NIBAN3: variants seen among roughly 807,000 people sequenced by gnomAD.
NIBAN3 encodes the protein niban apoptosis regulator 3.
In NIBAN3, 66 loss-of-function variants were observed where a neutral mutation model predicts 76.4. That is an observed-to-expected ratio of 0.86 (90% CI 0.71 to 1.06). NIBAN3 has a LOEUF of 1.06. Among genes scored for constraint, NIBAN3 ranks in the 50% least tolerant of loss-of-function variants. NIBAN3 has a pLI of 0.00. For missense variants in NIBAN3, 808 were observed against 810.7 expected (o/e 1.00, Z 0.04); for synonymous variants, 360 against 355.2 (o/e 1.01, Z -0.15).
intron 14 of NIBAN3, among the ~76,000 whole-genome samples, chr19:17,551,045 C>T (rs2144791038): frequency 6.6e-6 from 1 of 151,788 alleles, no homozygotes. Flanking sequence ...CTCTCCTATC[C>T]TTCACCCTTT....
chr19:17,540,425 G>A lies in NIBAN3; in HGVS notation c.1013G>A (p.Arg338His). 1 of 1,528,560 alleles carries A rather than the reference G, an allele frequency of 6.5e-7. No individual in the cohort carries two copies. Among genetic ancestry groups the A allele is most frequent in the Non-Finnish European group, 8.8e-7 (1 of 1,135,802 alleles). The allele number at this position is 1,528,560 out of a possible 1,614,324, so 94.7% of individuals were successfully genotyped here. ...AGGGGACCGCTCGAGTCGTGCCTGC[G>A]CCGGGAGGTGGACCCGCAGCTGCCC... is the stretch of plus-strand genomic sequence containing the variant. ...DIRGPLESCL[R>H]REVDPQLPRV... The change falls in exon 9 of 15, where the codon CGC (arginine) becomes CAC (histidine). Residue 338 changes from arginine (R) to histidine (H), a missense_variant. Coordinates refer to ENST00000599164, the MANE Select transcript of NIBAN3 (RefSeq NM_001321827.2).
At chr19:17,550,528 G>A (rs899062566) in intron 14 of NIBAN3, among the ~76,000 whole-genome samples, 3 of 152,046 alleles carry the variant, frequency 2.0e-5, no homozygotes, top group Non-Finnish European at 4.4e-5. Context: ...TTAGTTGGGT[G>A]TGGTGGAATG....
At chr19:17,548,435 C>A (rs1226076622) in intron 13 of NIBAN3, among the ~76,000 whole-genome samples, 1 of 152,012 alleles carries the variant, frequency 6.6e-6, no homozygotes. Context: ...AAAGGACAGG[C>A]CCGAGCAGGG....
At chr19:17,524,079 T>C (rs969865302), upstream of NIBAN3, among the ~76,000 whole-genome samples, 5 of 152,018 alleles carry the variant, frequency 3.3e-5, no homozygotes, top group Admixed American at 6.6e-5. Flanking sequence ...AGTAGAAACA[T>C]TGAGTTTCAC....
chr19:17,528,593 G>C (rs760633645), intron 1 of NIBAN3, among the ~76,000 whole-genome samples: 8 of 152,084 alleles, frequency 5.3e-5, no homozygotes, highest in Non-Finnish European at 1.2e-4. Flanking sequence ...GACTAAGAGG[G>C]GCCAGTGCCA....
intron 13 of NIBAN3, 62 bp from the exon 14 acceptor site, chr19:17,549,382 G>T: frequency 8.7e-7 from 1 of 1,147,930 alleles, no homozygotes; most frequent in East Asian, 2.4e-5. Flanking sequence ...CTGGGAAAAT[G>T]CAGGGAAGCC....
upstream of NIBAN3, among the ~76,000 whole-genome samples, chr19:17,523,743 C>T (rs1488817847): frequency 6.6e-6 from 1 of 152,194 alleles, no homozygotes; most frequent in Non-Finnish European, 1.5e-5. Flanking sequence ...CCAGCAACAT[C>T]AGCCCCTCAC....
chr19:17,523,315 G>C (rs2075574885), upstream of NIBAN3: 1 of 856,924 alleles, frequency 1.2e-6, no homozygotes, highest in African/African-American at 1.7e-5. Flanking sequence ...AGCAGGAGAT[G>C]GGAATTGAAA....
At chr19:17,528,893 T>C (rs148577819) in intron 1 of NIBAN3, among the ~76,000 whole-genome samples, 3 of 151,898 alleles carry the variant, frequency 2.0e-5, no homozygotes, top group Non-Finnish European at 4.4e-5. Flanking sequence ...GTGAGAATGA[T>C]GGGAGAGAGC....
In NIBAN3 at chr19:17,553,488, A is replaced by C. The variant is rs199532721; in HGVS notation, c.*1590A>C. 3.9e-4 allele frequency: 624 copies of C among 1,614,204 alleles called. 3 individuals carry two copies. Among genetic ancestry groups the C allele is most frequent in the Non-Finnish European group, 2.9e-4 (337 of 1,180,042 alleles). On this transcript the variant is annotated 3_prime_UTR_variant, in exon 15 of 15. Coordinates refer to ENST00000599164, the MANE Select transcript of NIBAN3 (RefSeq NM_001321827.2). ...CCCGTGTGTTCTTGGTTCAGCTTGC[A>C]GAGGGACTTTCACACTCCCTGGAGA... is the stretch of plus-strand genomic sequence containing the variant.
Position 17,532,395 on chromosome 19 carries a change from G to A in NIBAN3, c.312+7G>A. On this transcript the variant is annotated splice_region_variant and intron_variant, in intron 3 of 14. Transcript: ENST00000599164. ...GTGGTTCAGCCACAAGGAGGTGCGT[G>A]ATTGGCACGTGGCCTTTCTACTTCT... 6.2e-7 allele frequency: 1 copy of A among 1,614,214 alleles called. No homozygotes were observed. The highest frequency in any genetic ancestry group is 8.5e-7 in the Non-Finnish European group (1 of 1,180,042).
intron 14 of NIBAN3, among the ~76,000 whole-genome samples, chr19:17,550,964 G>A (rs2076145651): frequency 6.6e-6 from 1 of 150,596 alleles, no homozygotes; most frequent in Non-Finnish European, 1.5e-5. Flanking sequence ...CACCAGGGTA[G>A]CCTCACTGGT....
chr19:17,547,907 C>T (rs376998091), intron 13 of NIBAN3, among the ~76,000 whole-genome samples: 6 of 152,092 alleles, frequency 3.9e-5, no homozygotes, highest in Non-Finnish European at 5.9e-5. Flanking sequence ...CCTCGTGATC[C>T]GCCTGACTTG....
rs765325530 is a variant in NIBAN3 at position 17,540,492 on chromosome 19, C to G, written c.1080C>G (p.Leu360=). ...TGCTGCGCACCGTGGAAGCCTCGCT[C>G]GAGGCGGTGCGGACCCTCCTGGCTC... ...QTLLRTVEAS[L]EAVRTLLAQG... The change falls in exon 9 of 15, where the codon CTC becomes CTG. Residue 360 remains leucine, a synonymous_variant. Transcript: ENST00000599164. 2.5e-6 allele frequency: 4 copies of G among 1,598,772 alleles called. No individual in the cohort carries two copies. Among genetic ancestry groups the G allele is most frequent in the South Asian group, 2.2e-5 (2 of 89,552 alleles).
intron 12 of NIBAN3, chr19:17,545,711 T>G (rs1182179997): frequency 6.0e-6 from 1 of 166,936 alleles, no homozygotes; most frequent in African/African-American, 2.4e-5. Context: ...ATCAGAGACT[T>G]TTAGTACTTT....
At chr19:17,546,535 T>C in intron 12 of NIBAN3, 151 bp from the exon 13 acceptor site, 1 of 1,244,768 alleles carries the variant, frequency 8.0e-7, no homozygotes, top group African/African-American at 1.6e-5. Flanking sequence ...AAAATAAAAA[T>C]ATTTAAAAAT....
intron 12 of NIBAN3, chr19:17,546,021 C>T: frequency 2.4e-6 from 1 of 424,530 alleles, no homozygotes; most frequent in South Asian, 1.7e-5. Context: ...GGCATCTTCC[C>T]AGACGCTGGC....
chr19:17,538,754 AAGAAAGAG>A (rs1485850377), intron 5 of NIBAN3, among the ~76,000 whole-genome samples: 4 of 151,632 alleles, frequency 2.6e-5, no homozygotes, highest in African/African-American at 7.3e-5. Flanking sequence ...AAGAGAAAGA[AAGAAAGAG>A]AGGGAGGGAG....
chr19:17,525,563 G>C (rs1197314376), upstream of NIBAN3, among the ~76,000 whole-genome samples: 1 of 152,108 alleles, frequency 6.6e-6, no homozygotes, highest in Middle Eastern at 3.2e-3. Flanking sequence ...TCACCTGAGG[G>C]GTGAAGCTTG....
Sources: allele counts gnomAD v4.1 joint callset (sites outside exome capture counted in the v4.1 genomes callset), GRCh38; gene constraint gnomAD v4.1.1; transcripts MANE v1.5; gene names NCBI Gene and HGNC (gene_info 2026-07-23, HGNC 2026-07-21).